Variants in MAP3K20 observed in about 807,000 individuals in gnomAD.
MAP3K20 encodes HCCS-4.
MAP3K20 carries 40 observed loss-of-function variants against 85.7 expected under a neutral mutation model. The ratio of observed to expected loss-of-function variants is 0.47; its 90% CI spans 0.36 to 0.61. The LOEUF (loss-of-function observed/expected upper bound fraction) is 0.61, where lower values mean the gene tolerates loss of function less well. Among genes scored for constraint, MAP3K20 ranks in the 20% least tolerant of loss-of-function variants. The probability of loss-of-function intolerance (pLI) is 0.00; values close to 1 mark genes in which losing one functional copy is unlikely to be tolerated. For missense variants in MAP3K20, 817 were observed against 961.7 expected, an observed-to-expected ratio of 0.85 and a Z score of 1.99; for synonymous variants, 325 against 327.7, an observed-to-expected ratio of 0.99 and a Z score of 0.09.
rs369017699 is a variant in MAP3K20, at chr2:173,133,690, C to G, written c.160-36115C>G. Among the ~76,000 whole-genome samples the G allele has an allele frequency of 5.7e-4, 87 of 152,124 alleles. 1 individual carries two copies. The South Asian group carries it at 9.5e-3, about 17-fold the overall frequency. On this transcript the variant is annotated intron_variant, in intron 2 of 19. Transcript: ENST00000375213. ...CAACAAGGACTCTGATTCAGTAGTT[C>G]CAGGGTAGATCCGAGGCTCCTGTGT...
At chr2:173,217,366 T>C (rs1369894097) in intron 11 of MAP3K20, 116 bp downstream of exon 11, 6 of 1,284,444 alleles carry the variant, frequency 4.7e-6, no homozygotes, top group Non-Finnish European at 6.0e-6. Flanking sequence ...ATTTCCTGCC[T>C]CGCGCCCGTG....
At chr2:173,108,082 CA>C (rs1687835426) in intron 2 of MAP3K20, among the ~76,000 whole-genome samples, 1 of 152,094 alleles carries the variant, frequency 6.6e-6, no homozygotes, top group South Asian at 2.1e-4. Flanking sequence ...CACCAGACAA[CA>C]ATATTTTGTC....
intron 1 of MAP3K20, among the ~76,000 whole-genome samples, chr2:173,081,844 ACT>A (rs1195665255): frequency 6.6e-6 from 1 of 152,118 alleles, no homozygotes; most frequent in Non-Finnish European, 1.5e-5. Flanking sequence ...TTAGTCATCA[ACT>A]CAACAGGGTT....
chr2:173,132,779 A>G (rs1480175753), intron 2 of MAP3K20, among the ~76,000 whole-genome samples: 1 of 152,294 alleles, frequency 6.6e-6, no homozygotes, highest in East Asian at 1.9e-4. Context: ...GGCCCATTAC[A>G]CAACCACTAA....
intron 2 of MAP3K20, among the ~76,000 whole-genome samples, chr2:173,092,099 T>C (rs1162271397): frequency 3.9e-5 from 6 of 152,198 alleles, no homozygotes; most frequent in African/African-American, 1.4e-4. Context: ...ACCATAGCAA[T>C]TGATTAGAGA....
chr2:173,197,035 C>A (rs1307070049), intron 7 of MAP3K20, among the ~76,000 whole-genome samples: 3 of 151,904 alleles, frequency 2.0e-5, no homozygotes, highest in African/African-American at 7.3e-5. Context: ...TGCTATTAAT[C>A]ATGGTAATAT....
chr2:173,118,499 T>C (rs569199841), intron 2 of MAP3K20, among the ~76,000 whole-genome samples: 1 of 152,302 alleles, frequency 6.6e-6, no homozygotes, highest in African/African-American at 2.4e-5. Context: ...TGCATCTAAT[T>C]TTGATGCCTG....
At chr2:173,229,769 GC>G in intron 12 of MAP3K20, 36 bp downstream of exon 12, 3 of 1,611,874 alleles carry the variant, frequency 1.9e-6, no homozygotes, top group South Asian at 1.1e-5. Flanking sequence ...TTTGACTTGA[GC>G]AGGTATTTCA....
intron 1 of MAP3K20, among the ~76,000 whole-genome samples, chr2:173,079,391 G>A (rs758225400): frequency 6.6e-6 from 1 of 152,072 alleles, no homozygotes; most frequent in Non-Finnish European, 1.5e-5. Context: ...GGAATGTGAA[G>A]GCCCAGGACA....
chr2:173,243,530 G>A (rs980901750), intron 16 of MAP3K20, among the ~76,000 whole-genome samples: 1 of 152,214 alleles, frequency 6.6e-6, no homozygotes, highest in Non-Finnish European at 1.5e-5. Context: ...CAGAAAGGGG[G>A]CTGGCGACCA....
chr2:173,201,830 T>A (rs1006502976), intron 8 of MAP3K20, among the ~76,000 whole-genome samples: 3 of 152,158 alleles, frequency 2.0e-5, no homozygotes, highest in African/African-American at 7.2e-5. Context: ...AGTGTCTGAG[T>A]CTAGATTTAA....
intron 2 of MAP3K20, among the ~76,000 whole-genome samples, chr2:173,130,111 A>G (rs1688565707): frequency 6.6e-6 from 1 of 152,208 alleles, no homozygotes; most frequent in Non-Finnish European, 1.5e-5. Context: ...AATATATCCT[A>G]AGGTTATGGT....
chr2:173,120,079 G>A (rs1688238154), intron 2 of MAP3K20, among the ~76,000 whole-genome samples: 1 of 151,992 alleles, frequency 6.6e-6, no homozygotes, highest in African/African-American at 2.4e-5. Context: ...AAAAGAAAAT[G>A]GTTTCAATGT....
intron 1 of MAP3K20, among the ~76,000 whole-genome samples, chr2:173,088,104 A>G (rs984603115): frequency 6.6e-6 from 1 of 152,184 alleles, no homozygotes; most frequent in Non-Finnish European, 1.5e-5. Flanking sequence ...AATTTTATTG[A>G]GAGGAGTTTT....
rs148083636 is a variant in MAP3K20, at chr2:173,135,204, A to G, written c.160-34601A>G. Among the ~76,000 whole-genome samples, 33 of 152,378 alleles carry G rather than the reference A, an allele frequency of 2.2e-4. 1 individual carries two copies. The East Asian group carries it at 5.8e-3, about 27-fold the overall frequency. On this transcript the variant is annotated intron_variant, in intron 2 of 19. Coordinates refer to ENST00000375213, the MANE Select transcript of MAP3K20 (RefSeq NM_016653.3). ...AATTAGGCGATTTGTAAACACTTTT[A>G]CAAGTACATAAAGAGCATTTAATTC...
At position 173,259,029 on chromosome 2, in the gene MAP3K20, G is replaced by A. The variant is rs574723064; in HGVS notation, c.1476+214G>A. On this transcript the variant is annotated intron_variant, in intron 17 of 19. Coordinates refer to ENST00000375213, the MANE Select transcript of MAP3K20 (RefSeq NM_016653.3). ...TATGCTGTGTGAACTAAAAAGCACT[G>A]CAAAAAGGTATCGTTTAATTTTTTT... Among the ~76,000 whole-genome samples, 7 of 152,102 alleles carry A rather than the reference G, an allele frequency of 4.6e-5. No individual in the cohort carries two copies. The South Asian group carries it at 1.2e-3, about 27-fold the overall frequency.
intron 2 of MAP3K20, among the ~76,000 whole-genome samples, chr2:173,131,837 G>A (rs1277476969): frequency 1.3e-5 from 2 of 152,140 alleles, no homozygotes; most frequent in East Asian, 1.9e-4. Context: ...TAAATGTGAT[G>A]TGATAGAAGC....
chr2:173,101,793 C>T (rs1411848201), intron 2 of MAP3K20, among the ~76,000 whole-genome samples: 1 of 152,202 alleles, frequency 6.6e-6, no homozygotes, highest in Non-Finnish European at 1.5e-5. Context: ...ATTTTCTTCT[C>T]TGTTCTGTAG....
At chr2:173,182,112 AG>A (rs1344672405) in intron 3 of MAP3K20, among the ~76,000 whole-genome samples, 1 of 152,144 alleles carries the variant, frequency 6.6e-6, no homozygotes, top group Non-Finnish European at 1.5e-5. Context: ...CATTATGCTA[AG>A]GGAATGATGT....
Sources: allele counts gnomAD v4.1 joint callset (sites outside exome capture counted in the v4.1 genomes callset), GRCh38; gene constraint gnomAD v4.1.1; transcripts MANE v1.5; gene names NCBI Gene and HGNC (gene_info 2026-07-23, HGNC 2026-07-21).